Variants in EPHB1 observed in about 807,000 individuals in gnomAD.
The protein encoded by EPHB1 is EPH receptor B1.
EPHB1 carries 30 observed loss-of-function variants against 94.4 expected under a neutral mutation model. The ratio of observed to expected loss-of-function variants is 0.32; its 90% CI spans 0.24 to 0.43. The LOEUF is 0.43. Among genes scored for constraint, EPHB1 ranks in the 20% least tolerant of loss-of-function variants. The probability of loss-of-function intolerance (pLI) is 1.00; values close to 1 mark genes in which losing one functional copy is unlikely to be tolerated. For missense variants in EPHB1, 1,055 were observed against 1,308.3 expected, an observed-to-expected ratio of 0.81 and a Z score of 2.99; for synonymous variants, 522 against 489.1, an observed-to-expected ratio of 1.07 and a Z score of -0.89.
At chr3:135,156,872 T>A (rs969874030) in intron 6 of EPHB1, among the ~76,000 whole-genome samples, 3 of 152,244 alleles carry the variant, frequency 2.0e-5, no homozygotes, top group Admixed American at 6.5e-5. Flanking sequence ...ACTGACCACA[T>A]GGTCTCATTT....
intron 1 of EPHB1, among the ~76,000 whole-genome samples, chr3:134,815,142 G>A (rs1330573458): frequency 6.6e-6 from 1 of 152,124 alleles, no homozygotes; most frequent in Non-Finnish European, 1.5e-5. Context: ...GATATGATTT[G>A]GACAACAAAC....
intron 3 of EPHB1, among the ~76,000 whole-genome samples, chr3:135,016,117 T>A (rs933976197): frequency 6.6e-6 from 1 of 152,138 alleles, no homozygotes; most frequent in Non-Finnish European, 1.5e-5. Flanking sequence ...AAGGTGGGGA[T>A]GAGTTTGGAG....
chr3:135,215,632 T>G (rs1943133571), intron 12 of EPHB1, among the ~76,000 whole-genome samples: 1 of 152,242 alleles, frequency 6.6e-6, no homozygotes, highest in Admixed American at 6.5e-5. Context: ...GGGAAAATTC[T>G]GAGGAAACCC....
chr3:135,112,943 G>T (rs537672738), intron 4 of EPHB1, among the ~76,000 whole-genome samples: 1 of 152,262 alleles, frequency 6.6e-6, no homozygotes, highest in Admixed American at 6.5e-5. Flanking sequence ...TTTACCCATC[G>T]CTGACCAGGG....
chr3:135,203,348 G>A (rs1228774264), intron 12 of EPHB1, among the ~76,000 whole-genome samples: 1 of 152,000 alleles, frequency 6.6e-6, no homozygotes, highest in Non-Finnish European at 1.5e-5. Flanking sequence ...AACCACCAGG[G>A]CACATGTATA....
At position 134,951,919 on chromosome 3, in the gene EPHB1, A is replaced by T. The variant is rs749238051; in HGVS notation, c.672A>T (p.Thr224=). The T allele has an allele frequency of 5.0e-6, 8 of 1,613,946 alleles. No individual in the cohort carries two copies. The highest frequency in any genetic ancestry group is 5.9e-6 in the Non-Finnish European group (7 of 1,179,916). ...ESTSLVIARG[T]CIPNAEEVDV... ...CATCTCTGGTGATTGCTCGGGGCACATGCATCCCCAACGCAGAGGAAGTGG... is the reference window on the plus strand; with the variant it reads ...CATCTCTGGTGATTGCTCGGGGCACTTGCATCCCCAACGCAGAGGAAGTGG... Residue 224 remains threonine, a synonymous_variant, in exon 3 of 16, where the codon ACA becomes ACT. Transcript: ENST00000398015. This position sits in a 1 kb window ranked among gnomAD's most constrained non-coding sequence, Gnocchi z 4.5.
At chr3:134,947,937 C>A (rs979478075) in intron 2 of EPHB1, among the ~76,000 whole-genome samples, 6 of 151,996 alleles carry the variant, frequency 3.9e-5, no homozygotes, top group African/African-American at 1.5e-4. Context: ...TCTACAGGCA[C>A]AAGCCACCAA....
intron 3 of EPHB1, among the ~76,000 whole-genome samples, chr3:134,991,553 C>G (rs1934799754): frequency 6.6e-6 from 1 of 152,154 alleles, no homozygotes; most frequent in Non-Finnish European, 1.5e-5. Flanking sequence ...CTTTCCAGCC[C>G]TCCAGATAAA....
intron 1 of EPHB1, among the ~76,000 whole-genome samples, chr3:134,925,074 C>T (rs186338283): frequency 3.4e-4 from 52 of 152,308 alleles, no homozygotes; most frequent in African/African-American, 3.1e-4. Flanking sequence ...TTATCCCTGA[C>T]GGCTCCTAGG....
At chr3:134,909,428 G>A (rs569321627) in intron 1 of EPHB1, among the ~76,000 whole-genome samples, 1 of 152,232 alleles carries the variant, frequency 6.6e-6, no homozygotes, top group African/African-American at 2.4e-5. Context: ...CAAGGCTCAA[G>A]CTTGGGGTGG....
intron 5 of EPHB1, among the ~76,000 whole-genome samples, chr3:135,137,906 A>C (rs187625657): frequency 6.6e-6 from 1 of 152,342 alleles, no homozygotes; most frequent in East Asian, 1.9e-4. Context: ...TGGTTTCTCC[A>C]GTCTGTGCTG....
At chr3:134,837,277 C>G (rs1416798952) in intron 1 of EPHB1, among the ~76,000 whole-genome samples, 1 of 152,170 alleles carries the variant, frequency 6.6e-6, no homozygotes, top group Non-Finnish European at 1.5e-5. Flanking sequence ...ACCCTCTATT[C>G]CATGATTTTA....
intron 3 of EPHB1, among the ~76,000 whole-genome samples, chr3:134,988,573 T>A (rs981342052): frequency 6.6e-5 from 10 of 152,268 alleles, no homozygotes; most frequent in African/African-American, 2.2e-4. Context: ...AACAGGATCA[T>A]CAATACCAGA....
At chr3:134,814,474 CAGTT>C (rs1406223018) in intron 1 of EPHB1, among the ~76,000 whole-genome samples, 1 of 151,942 alleles carries the variant, frequency 6.6e-6, no homozygotes, top group Non-Finnish European at 1.5e-5. Flanking sequence ...GGTCAGGGGA[CAGTT>C]AGTTTAGAGT....
At position 134,990,694 on chromosome 3, in the gene EPHB1, G is replaced by A. The variant is rs149811342; in HGVS notation, c.805+38642G>A. Among the ~76,000 whole-genome samples the A allele has an allele frequency of 7.8e-3, 1,194 of 152,224 alleles. 17 individuals are homozygous for A. The highest frequency in any genetic ancestry group is 0.027 in the African/African-American group (1,134 of 41,532). On this transcript the variant is annotated intron_variant, in intron 3 of 15. Transcript: ENST00000398015. ...TGGTATAATCTGTGCTCATTCTCCTGTATATTTTAAATTATCTCTAGATTA... is the reference window on the plus strand; with the variant it reads ...TGGTATAATCTGTGCTCATTCTCCTATATATTTTAAATTATCTCTAGATTA...
intron 1 of EPHB1, among the ~76,000 whole-genome samples, chr3:134,870,996 T>C (rs1048369715): frequency 2.6e-5 from 4 of 152,194 alleles, no homozygotes; most frequent in Admixed American, 2.6e-4. Context: ...TCTAATACCT[T>C]GGGTGCCCCT....
intron 11 of EPHB1, among the ~76,000 whole-genome samples, chr3:135,195,235 C>T (rs966308672): frequency 7.9e-5 from 12 of 151,982 alleles, no homozygotes; most frequent in African/African-American, 2.7e-4. Flanking sequence ...CACACTCCCC[C>T]GCTGGAGTGT....
intron 3 of EPHB1, among the ~76,000 whole-genome samples, chr3:135,039,762 G>A (rs866491291): frequency 6.6e-6 from 1 of 152,228 alleles, no homozygotes; most frequent in South Asian, 2.1e-4. Context: ...CGGAACTCAA[G>A]CTGGCCCGCA....
intron 1 of EPHB1, among the ~76,000 whole-genome samples, chr3:134,916,394 C>A (rs115269328): frequency 6.6e-6 from 1 of 152,194 alleles, no homozygotes; most frequent in Non-Finnish European, 1.5e-5. Flanking sequence ...GACCGGACAC[C>A]GTGGAGCAGG....
Sources: allele counts gnomAD v4.1 joint callset (sites outside exome capture counted in the v4.1 genomes callset), GRCh38; gene constraint gnomAD v4.1.1; non-coding constraint Gnocchi (gnomAD v3.1); transcripts MANE v1.5; gene names NCBI Gene and HGNC (gene_info 2026-07-23, HGNC 2026-07-21).